CPM: variants seen among roughly 807,000 people sequenced by gnomAD.
The protein encoded by CPM is renal carboxypeptidase.
In CPM, 35 loss-of-function variants were observed where a neutral mutation model predicts 46.4. That is an observed-to-expected ratio of 0.75 (90% CI 0.58 to 1.00). The LOEUF is 1.00. Among genes scored for constraint, CPM ranks in the 50% least tolerant of loss-of-function variants. The pLI is 0.00. For missense variants in CPM, 422 were observed against 530.4 expected (o/e 0.80, Z 2.01); for synonymous variants, 195 against 195.3 (o/e 1.00, Z 0.01).
At chr12:68,924,982 G>C (rs1483266562) in intron 2 of CPM, among the ~76,000 whole-genome samples, 2 of 152,166 alleles carry the variant, frequency 1.3e-5, no homozygotes, top group East Asian at 3.8e-4. Context: ...ACTCCTAGTA[G>C]AGGAATTCAG....
At chr12:68,842,284 T>C in exon 6 of CPM, 1 of 496,562 alleles carries the variant, frequency 2.0e-6, no homozygotes, top group South Asian at 1.5e-5. Flanking sequence ...ATCAAAGAAG[T>C]CAGGCAAAAC....
At chr12:68,899,922 C>T (rs1887046433) in intron 2 of CPM, among the ~76,000 whole-genome samples, 1 of 152,130 alleles carries the variant, frequency 6.6e-6, no homozygotes, top group South Asian at 2.1e-4. Context: ...GTAAAATCAA[C>T]AGATGGAGCT....
chr12:68,920,697 T>C (rs565175867), intron 2 of CPM, among the ~76,000 whole-genome samples: 15 of 145,818 alleles, frequency 1.0e-4, no homozygotes, highest in African/African-American at 2.9e-4. Context: ...CTTTTTCTTT[T>C]TCTTTTTTTT....
chr12:68,918,743 A>C (rs4913474), intron 2 of CPM, among the ~76,000 whole-genome samples: 10,539 of 152,196 alleles, frequency 0.069, 770 homozygotes, highest in African/African-American at 0.18. Flanking sequence ...GAGCATCTTA[A>C]TCCAAATCAC....
At chr12:68,899,030 T>A (rs906444741) in intron 2 of CPM, among the ~76,000 whole-genome samples, 1 of 152,142 alleles carries the variant, frequency 6.6e-6, no homozygotes, top group African/African-American at 2.4e-5. Flanking sequence ...ATTTTCAATA[T>A]AAACAGTGTA....
At chr12:68,923,238 T>A (rs1343276045) in intron 2 of CPM, among the ~76,000 whole-genome samples, 2 of 1,164 alleles carry the variant, frequency 1.7e-3, no homozygotes, top group African/African-American at 0.016. Context: ...ACTTTAAGGT[T>A]TTCTTTTGTT....
At chr12:68,955,603 A>T (rs947505095) in intron 1 of CPM, among the ~76,000 whole-genome samples, 1 of 152,138 alleles carries the variant, frequency 6.6e-6, no homozygotes, top group Non-Finnish European at 1.5e-5. Context: ...AGAATGAGGT[A>T]CTCAAACAAC....
At chr12:68,947,929 C>T (rs1205098178) in intron 1 of CPM, among the ~76,000 whole-genome samples, 1 of 152,034 alleles carries the variant, frequency 6.6e-6, no homozygotes, top group African/African-American at 2.4e-5. Context: ...TCTAGCATAC[C>T]CACTCGCCAA....
At chr12:68,884,066 T>C (rs541720706) in intron 3 of CPM, among the ~76,000 whole-genome samples, 8 of 130,674 alleles carry the variant, frequency 6.1e-5, no homozygotes, top group Non-Finnish European at 6.2e-5. Context: ...GCCGAGATCA[T>C]GCCATTGCAC....
intron 7 of CPM, among the ~76,000 whole-genome samples, chr12:68,860,787 G>A (rs560385257): frequency 2.0e-5 from 3 of 152,188 alleles, no homozygotes; most frequent in East Asian, 3.9e-4. Context: ...TATGAAATGG[G>A]GATAATATAC....
intron 3 of CPM, among the ~76,000 whole-genome samples, chr12:68,874,394 T>A (rs1885847031): frequency 1.3e-5 from 2 of 151,892 alleles, no homozygotes; most frequent in Admixed American, 6.6e-5. Context: ...GGTGGGTGGA[T>A]CACCCGAAGT....
chr12:68,867,276 T>TTCAATCAAAATTGAAGTGACGG (rs1885495500), intron 6 of CPM, among the ~76,000 whole-genome samples: 1 of 152,240 alleles, frequency 6.6e-6, no homozygotes, highest in South Asian at 2.1e-4. Flanking sequence ...GAAGTTCAAC[T>TTCAATCAAAATTGAAGTGACGG]GTGCATCAAA....
intron 8 of CPM, among the ~76,000 whole-genome samples, chr12:68,857,667 T>C (rs1392029108): frequency 6.6e-6 from 1 of 152,168 alleles, no homozygotes; most frequent in Non-Finnish European, 1.5e-5. Flanking sequence ...AACCACTCAT[T>C]GGTATGTATT....
At chr12:68,943,051 T>C (rs961506314) in intron 1 of CPM, among the ~76,000 whole-genome samples, 1 of 152,234 alleles carries the variant, frequency 6.6e-6, no homozygotes, top group African/African-American at 2.4e-5. Context: ...CAGTGCATGC[T>C]TGCTGATTTA....
chr12:68,927,513 T>G (rs1445441066), intron 2 of CPM, among the ~76,000 whole-genome samples: 4 of 152,034 alleles, frequency 2.6e-5, no homozygotes, highest in Admixed American at 2.6e-4. Flanking sequence ...ATTTTGGAGG[T>G]TGCCTGTTCA....
chr12:68,883,524 C>A (rs766773964), intron 3 of CPM, among the ~76,000 whole-genome samples: 18 of 152,148 alleles, frequency 1.2e-4, no homozygotes, highest in Non-Finnish European at 2.5e-4. Context: ...TGGGACTTTT[C>A]CCCGCTGCCT....
intron 1 of CPM, among the ~76,000 whole-genome samples, chr12:68,948,393 T>C (rs1445394613): frequency 2.0e-5 from 3 of 152,102 alleles, no homozygotes; most frequent in African/African-American, 7.2e-5. Flanking sequence ...GAGACTGACA[T>C]GAAAAAGTAA....
rs532256027 is a variant in CPM at position 68,926,945 on chromosome 12, T to C, written c.160+5733A>G. 4.6e-5 allele frequency among the ~76,000 whole-genome samples: 7 copies of C among 152,382 alleles called. No homozygotes were observed. In the South Asian group the frequency reaches 1.2e-3, roughly 27 times the overall value. ...TCTATGGTGTATATGTGCCACATTT[T>C]CTTAATCCAGTCTATCGTTGTTGGA... On this transcript the variant is annotated intron_variant, in intron 2 of 8. Coordinates refer to ENST00000551568, the MANE Select transcript of CPM (RefSeq NM_198320.5).
chr12:68,939,254 A>C lies in CPM; in HGVS notation c.-3-6414T>G, dbSNP rs146645220. On this transcript the variant is annotated intron_variant, in intron 1 of 8. Coordinates refer to the CPM transcript ENST00000546373. ...TAGACATCATATATGTATATGATGT[A>C]TATACTTATGTATATTATGTACATA... Among the ~76,000 whole-genome samples the C allele has an allele frequency of 2.6e-3, 386 of 147,198 alleles. 15 individuals carry two copies. The East Asian group carries it at 0.064, about 25-fold the overall frequency.
Sources: gnomAD v4.1 joint callset for allele counts (sites outside exome capture counted in the v4.1 genomes callset) on GRCh38, gnomAD v4.1.1 for gene constraint, MANE v1.5 for transcripts, NCBI Gene and HGNC (gene_info 2026-07-23, HGNC 2026-07-21) for gene names.